COL19A1: variants seen among roughly 807,000 people sequenced by gnomAD.
COL19A1 encodes the protein collagen type XIX alpha 1 chain.
A neutral mutation model predicts 190.2 loss-of-function variants in COL19A1; 159 were observed. The observed-to-expected ratio is 0.84, with a 90% confidence interval of 0.73 to 0.95. The LOEUF (loss-of-function observed/expected upper bound fraction) is 0.95, where lower values mean the gene tolerates loss of function less well. Among genes scored for constraint, COL19A1 ranks in the 40% least tolerant of loss-of-function variants. The pLI, the probability that COL19A1 is intolerant of heterozygous loss-of-function variation, is 0.00. For synonymous variants in COL19A1, 509 were observed against 458.9 expected (o/e 1.11, Z -1.39); for missense variants, 1,418 against 1,431.9 (o/e 0.99, Z 0.16).
chr6:69,875,402 C>T (rs1210753570), intron 1 of COL19A1, among the ~76,000 whole-genome samples: 1 of 152,202 alleles, frequency 6.6e-6, no homozygotes, highest in East Asian at 1.9e-4. Flanking sequence ...AACCAACTCT[C>T]ATTTTAAGAA....
intron 15 of COL19A1, among the ~76,000 whole-genome samples, chr6:70,075,422 A>G (rs1026116025): frequency 3.9e-5 from 6 of 152,224 alleles, no homozygotes; most frequent in African/African-American, 1.4e-4. Context: ...GTAGTAAGAC[A>G]GGAAAAAGGG....
At position 70,070,183 on chromosome 6, in the gene COL19A1, A is replaced by G. The variant is rs147383604; in HGVS notation, c.1224+1707A>G. On this transcript the variant is annotated intron_variant, in intron 15 of 50. Transcript: ENST00000620364. ...GGTGAACTGAAAAAATATTTAAATGAGGCTTTTTAGAAATAATAATGCTTC... is the reference window on the plus strand; with the variant it reads ...GGTGAACTGAAAAAATATTTAAATGGGGCTTTTTAGAAATAATAATGCTTC... Among the ~76,000 whole-genome samples the G allele has an allele frequency of 7.7e-4, 117 of 152,276 alleles. 1 individual carries two copies. In the East Asian group the frequency reaches 0.021, roughly 27 times the overall value.
chr6:69,875,818 C>G (rs767905258), intron 1 of COL19A1, among the ~76,000 whole-genome samples: 6 of 152,126 alleles, frequency 3.9e-5, no homozygotes, highest in Admixed American at 6.5e-5. Flanking sequence ...GACACACAGT[C>G]TAAAGTTCAG....
intron 9 of COL19A1, among the ~76,000 whole-genome samples, chr6:69,952,575 G>A (rs1013847240): frequency 1.3e-5 from 2 of 151,854 alleles, no homozygotes; most frequent in African/African-American, 2.4e-5. Context: ...ATGAGAGAGT[G>A]GCCAAGCTGC....
chr6:70,186,731 C>T (rs918765194), intron 46 of COL19A1, among the ~76,000 whole-genome samples: 6 of 152,102 alleles, frequency 3.9e-5, no homozygotes, highest in Non-Finnish European at 8.8e-5. Context: ...CTCTCTCTCT[C>T]ATTCTCTCTT....
intron 11 of COL19A1, among the ~76,000 whole-genome samples, chr6:69,963,175 T>C (rs1442351166): frequency 1.3e-5 from 2 of 152,210 alleles, no homozygotes; most frequent in African/African-American, 4.8e-5. Flanking sequence ...ATTCACTCAC[T>C]AAGTATCCAA....
Position 70,149,997 on chromosome 6 carries a change from T to C in COL19A1, c.1989T>C (p.Val663=), listed in dbSNP as rs765873455. 4.3e-6 allele frequency: 7 copies of C among 1,613,660 alleles called. No homozygotes were observed. Among genetic ancestry groups the C allele is most frequent in the Non-Finnish European group, 5.9e-6 (7 of 1,179,828 alleles). ...ATGGATACCTCTGTTTTCAGGGAGT[T>C]CCAGGGAGAGATGGAAAGCCAGGCC... ...GTPGTPGNDG[V]PGRDGKPGLP... is the part of the protein sequence containing the mutation. The change falls in exon 30 of 51, where the codon GTT becomes GTC. Residue 663 remains valine (V), a synonymous_variant. Coordinates refer to ENST00000620364, the MANE Select transcript of COL19A1 (RefSeq NM_001858.6).
At chr6:69,937,338 T>G (rs1229763224) in intron 8 of COL19A1, among the ~76,000 whole-genome samples, 4 of 152,126 alleles carry the variant, frequency 2.6e-5, no homozygotes, top group South Asian at 2.1e-4. Context: ...ATCCCTAAAT[T>G]TTCAACTGGC....
At chr6:70,089,808 C>A (rs886190813) in intron 15 of COL19A1, among the ~76,000 whole-genome samples, 12 of 152,118 alleles carry the variant, frequency 7.9e-5, no homozygotes, top group African/African-American at 2.7e-4. Flanking sequence ...TTACACAATG[C>A]AGCTTTCTCT....
intron 15 of COL19A1, among the ~76,000 whole-genome samples, chr6:70,096,599 G>A (rs775717753): frequency 1.5e-4 from 23 of 152,180 alleles, no homozygotes; most frequent in Middle Eastern, 3.4e-3. Flanking sequence ...TGGGGCACAG[G>A]GATTTTCCAG....
intron 1 of COL19A1, among the ~76,000 whole-genome samples, chr6:69,876,858 G>A (rs935414490): frequency 2.0e-5 from 3 of 152,150 alleles, no homozygotes; most frequent in African/African-American, 7.2e-5. Flanking sequence ...ATGAGGATTA[G>A]GACTATATCT....
intron 17 of COL19A1, among the ~76,000 whole-genome samples, chr6:70,123,786 G>T (rs552353559): frequency 2.9e-5 from 4 of 136,016 alleles, no homozygotes; most frequent in Non-Finnish European, 6.2e-5. Flanking sequence ...ACAGGAAGGG[G>T]AATATCACAC....
intron 7 of COL19A1, among the ~76,000 whole-genome samples, chr6:69,933,945 G>A (rs1308961132): frequency 6.6e-6 from 1 of 151,950 alleles, no homozygotes; most frequent in Non-Finnish European, 1.5e-5. Flanking sequence ...AAAAGTGCAA[G>A]TAAAAGGTGA....
intron 24 of COL19A1, 152 bp from the exon 25 acceptor site, chr6:70,144,766 A>G: frequency 1.5e-6 from 1 of 652,068 alleles, no homozygotes; most frequent in Non-Finnish European, 2.8e-6. Context: ...AATAAATATT[A>G]TTGAGTGAGT....
chr6:69,949,538 A>G (rs1387556776), intron 9 of COL19A1, among the ~76,000 whole-genome samples: 16 of 151,912 alleles, frequency 1.1e-4, no homozygotes, highest in Admixed American at 7.2e-4. Context: ...TTTAAATTTC[A>G]AAATTTTAAA....
At chr6:70,201,936 G>A (rs970528735) in intron 49 of COL19A1, among the ~76,000 whole-genome samples, 1 of 152,128 alleles carries the variant, frequency 6.6e-6, no homozygotes, top group African/African-American at 2.4e-5. Context: ...TACATAAATA[G>A]GTGTGACATG....
At chr6:70,199,279 T>C (rs1207230261) in intron 48 of COL19A1, among the ~76,000 whole-genome samples, 3 of 152,334 alleles carry the variant, frequency 2.0e-5, no homozygotes, top group Admixed American at 6.5e-5. Context: ...AAATCATTTT[T>C]TAATGTGAAC....
chr6:70,067,855 G>A (rs903377080), intron 14 of COL19A1, among the ~76,000 whole-genome samples: 1 of 151,460 alleles, frequency 6.6e-6, no homozygotes, highest in African/African-American at 2.4e-5. Flanking sequence ...TAATACCTGG[G>A]ATTTCCTAGG....
At chr6:70,178,250 A>G (rs1765937751) in intron 42 of COL19A1, among the ~76,000 whole-genome samples, 1 of 152,002 alleles carries the variant, frequency 6.6e-6, no homozygotes, top group Non-Finnish European at 1.5e-5. Context: ...TTAGCTGGGC[A>G]CCTTTAGTCC....
Sources: gnomAD v4.1 joint callset for allele counts (sites outside exome capture counted in the v4.1 genomes callset) on GRCh38, gnomAD v4.1.1 for gene constraint, MANE v1.5 for transcripts, NCBI Gene and HGNC (gene_info 2026-07-23, HGNC 2026-07-21) for gene names.